TTYH3: variants seen among roughly 807,000 people sequenced by gnomAD.
The protein encoded by TTYH3 is tweety family member 3, also known as protein tweety homolog 3.
A neutral mutation model predicts 68.2 loss-of-function variants in TTYH3; 23 were observed. That is an observed-to-expected ratio of 0.34 (90% confidence interval 0.24 to 0.48). The LOEUF is 0.48. Among genes scored for constraint, TTYH3 ranks in the 20% least tolerant of loss-of-function variants. The probability of loss-of-function intolerance (pLI) is 0.99; values close to 1 mark genes in which losing one functional copy is unlikely to be tolerated. For synonymous variants in TTYH3, 360 were observed against 332.8 expected, an observed-to-expected ratio of 1.08 and a Z score of -0.89; for missense variants, 768 against 727.7, an observed-to-expected ratio of 1.06 and a Z score of -0.64.
At position 2,652,415 on chromosome 7, in the gene TTYH3, A is replaced by C. The variant is rs374553073; in HGVS notation, c.927+173A>C. ...GTCACCAACAGCCCCTGGGGTTACC[A>C]TGCCGGTGACCTGGTGACCTGGCTG... On this transcript the variant is annotated intron_variant, in intron 8 of 13. Coordinates refer to ENST00000258796, the MANE Select transcript of TTYH3 (RefSeq NM_025250.3). Among the ~76,000 whole-genome samples, 35 of 152,336 alleles carry C rather than the reference A, an allele frequency of 2.3e-4. 1 individual carries two copies. Among genetic ancestry groups the C allele is most frequent in the African/African-American group, 8.2e-4 (34 of 41,572 alleles).
intron 1 of TTYH3, among the ~76,000 whole-genome samples, chr7:2,637,386 C>T (rs980203936): frequency 2.6e-5 from 4 of 152,168 alleles, no homozygotes; most frequent in Non-Finnish European, 5.9e-5. Flanking sequence ...TGGAGAGCCA[C>T]CCAGTGGCCC....
chr7:2,661,965 C>T lies in TTYH3; in HGVS notation c.*226C>T. 1.7e-6 allele frequency: 1 copy of T among 605,964 alleles called. No individual in the cohort carries two copies. Among genetic ancestry groups the T allele is most frequent in the Non-Finnish European group, 2.9e-6 (1 of 340,916 alleles). The allele number at this position is 605,964 out of a possible 1,614,324, so 37.5% of individuals were successfully genotyped here. ...TCGGGTCACACCTGAACGCTGCTGCCAGCCGATGCCCCAGCCCTGCACGCC... is the reference window on the plus strand; with the variant it reads ...TCGGGTCACACCTGAACGCTGCTGCTAGCCGATGCCCCAGCCCTGCACGCC... On this transcript the variant is annotated 3_prime_UTR_variant, in exon 14 of 14. Coordinates refer to ENST00000258796, the MANE Select transcript of TTYH3 (RefSeq NM_025250.3).
chr7:2,642,184 C>T (rs1785864645), intron 1 of TTYH3, among the ~76,000 whole-genome samples: 1 of 152,190 alleles, frequency 6.6e-6, no homozygotes, highest in Non-Finnish European at 1.5e-5. Flanking sequence ...TGCTTGAGCC[C>T]AGAAGTTCAA....
chr7:2,661,426 C>T (rs1469593703), intron 13 of TTYH3, among the ~76,000 whole-genome samples: 4 of 152,128 alleles, frequency 2.6e-5, no homozygotes, highest in African/African-American at 9.7e-5. Context: ...CATCCCCTGT[C>T]CTGAGCCTGG....
chr7:2,646,343 A>T (rs1785979784), intron 1 of TTYH3, among the ~76,000 whole-genome samples: 1 of 152,164 alleles, frequency 6.6e-6, no homozygotes, highest in South Asian at 2.1e-4. Flanking sequence ...CAGAAGATAA[A>T]CCAGGCTCGG....
At chr7:2,640,802 C>T (rs555854556) in intron 1 of TTYH3, among the ~76,000 whole-genome samples, 3 of 152,154 alleles carry the variant, frequency 2.0e-5, no homozygotes, top group Non-Finnish European at 2.9e-5. Flanking sequence ...CGTGGGCCGT[C>T]CTAAGGCCTT....
chr7:2,648,110 C>A, intron 5 of TTYH3, 56 bp downstream of exon 5: 1 of 1,514,820 alleles, frequency 6.6e-7, no homozygotes, highest in Non-Finnish European at 9.0e-7. Flanking sequence ...CAGGGCAAGG[C>A]ACCATGTTAC....
intron 13 of TTYH3, chr7:2,660,007 G>A (rs1239631959): frequency 3.8e-6 from 5 of 1,303,014 alleles, no homozygotes; most frequent in Middle Eastern, 2.1e-4. Flanking sequence ...GACAGTGCCC[G>A]AACGCTGTGG....
Position 2,647,496 on chromosome 7 carries a change from C to T in TTYH3, c.484C>T (p.Pro162Ser), listed in dbSNP as rs767686926. 4 of 1,539,126 alleles carry T rather than the reference C, an allele frequency of 2.6e-6. No individual in the cohort carries two copies. The South Asian group carries it at 3.6e-5, about 14-fold the overall frequency. Reference protein sequence around the residue: ...QTLERQLAGRPEPLRAVQRLQ... With the variant: ...QTLERQLAGRSEPLRAVQRLQ... Reference sequence around the variant, plus strand: ...CCTGGAGCGGCAGCTGGCCGGGCGGCCCGAGCCCCTGCGAGCCGTACAGAG... The same window carrying T: ...CCTGGAGCGGCAGCTGGCCGGGCGGTCCGAGCCCCTGCGAGCCGTACAGAG... The change falls in exon 4 of 14, where the codon CCC becomes TCC. Residue 162 changes from proline to serine, a missense_variant. Physicochemically the swap from Pro to Ser is moderately conservative, Grantham distance 74. Coordinates refer to ENST00000258796, the MANE Select transcript of TTYH3 (RefSeq NM_025250.3).
chr7:2,658,506 G>A, intron 12 of TTYH3, 47 bp downstream of exon 12: 2 of 1,564,850 alleles, frequency 1.3e-6, no homozygotes, highest in Non-Finnish European at 1.7e-6. Context: ...GTCAGCTGCG[G>A]CTGAGAGCGC....
chr7:2,649,454 T>G, intron 5 of TTYH3, 113 bp from the exon 6 acceptor site: 1 of 1,030,408 alleles, frequency 9.7e-7, no homozygotes, highest in Non-Finnish European at 1.4e-6. Context: ...CCCCAGCCCA[T>G]GTGTGGGCTG....
intron 1 of TTYH3, 139 bp from the exon 2 acceptor site, chr7:2,646,714 C>A (rs1352855722): frequency 8.6e-6 from 8 of 926,682 alleles, no homozygotes; most frequent in African/African-American, 1.7e-5. Context: ...GCCTCACCTA[C>A]AAGTCGGGGA....
intron 1 of TTYH3, among the ~76,000 whole-genome samples, chr7:2,640,628 G>A (rs1359276504): frequency 6.6e-6 from 1 of 152,234 alleles, no homozygotes; most frequent in Admixed American, 6.5e-5. Context: ...GGCCTGTGCT[G>A]GCGCTGAGCC....
rs1026966857 is a variant in TTYH3 at position 2,663,280 on chromosome 7, G to C, written c.*1541G>C. 2 of 152,726 alleles carry C rather than the reference G, an allele frequency of 1.3e-5. No homozygotes were observed. Among genetic ancestry groups the C allele is most frequent in the Non-Finnish European group, 2.9e-5 (2 of 68,160 alleles). 9.5% of individuals were successfully genotyped at this position (152,726 alleles called of 1,614,324 possible). ...CCGCCAGCCCCAGCAGTTTACAGAC[G>C]CATGGCTCTTCCTCCCAGAGCAGCC... On this transcript the variant is annotated 3_prime_UTR_variant, in exon 14 of 14. Coordinates refer to ENST00000258796, the MANE Select transcript of TTYH3 (RefSeq NM_025250.3).
In TTYH3 at chr7:2,658,353, C is replaced by G. The variant is rs776602745; in HGVS notation, c.1318C>G (p.Arg440Gly). ...GCGGCAGGCGCACGACAGCCTCTACCGCGTCCACATGCCCAGCCTGTACAG... is the reference window on the plus strand; with the variant it reads ...GCGGCAGGCGCACGACAGCCTCTACGGCGTCCACATGCCCAGCCTGTACAG... The part of the protein sequence containing the change: ...GPRQAHDSLY[R>G]VHMPSLYSCG... The change falls in exon 12 of 14, where the codon CGC becomes GGC. Residue 440 changes from arginine to glycine, a missense_variant. Physicochemically the swap from Arg to Gly is moderately radical, Grantham distance 125. Transcript: ENST00000258796. 1.9e-6 allele frequency: 3 copies of G among 1,609,862 alleles called. No homozygotes were observed. The highest frequency in any genetic ancestry group is 3.3e-5 in the Admixed American group (2 of 59,728).
At chr7:2,658,881 C>A in intron 12 of TTYH3, 59 bp from the exon 13 acceptor site, 1 of 1,558,644 alleles carries the variant, frequency 6.4e-7, no homozygotes. Flanking sequence ...GCCCCCCGAC[C>A]TGCAGCTGGG....
At chr7:2,642,554 A>G (rs1157098928) in intron 1 of TTYH3, among the ~76,000 whole-genome samples, 1 of 149,770 alleles carries the variant, frequency 6.7e-6, no homozygotes, top group African/African-American at 2.4e-5. Context: ...AAAAAAAAAA[A>G]AAAAAGAAAG....
At chr7:2,642,685 G>A (rs1456634682) in intron 1 of TTYH3, among the ~76,000 whole-genome samples, 4 of 151,292 alleles carry the variant, frequency 2.6e-5, no homozygotes, top group African/African-American at 9.7e-5. Context: ...TGGTGATCGT[G>A]CCACTGCACT....
At chr7:2,649,742 G>T (rs1583568154) in intron 6 of TTYH3, 103 bp downstream of exon 6, 1 of 1,491,490 alleles carries the variant, frequency 6.7e-7, no homozygotes, top group East Asian at 2.4e-5. Flanking sequence ...CCCGGGCACT[G>T]GGTCCCGAGA....
Sources: gnomAD v4.1 joint callset for allele counts (sites outside exome capture counted in the v4.1 genomes callset) on GRCh38, gnomAD v4.1.1 for gene constraint, MANE v1.5 for transcripts, NCBI Gene and HGNC (gene_info 2026-07-23, HGNC 2026-07-21) for gene names.